The following FAM168A variants were observed in gnomAD, a reference collection of about 807,000 sequenced individuals.
FAM168A encodes family with sequence similarity 168 member A, also known as protein FAM168A.
In FAM168A, 3 loss-of-function variants were observed where a neutral mutation model predicts 28.5. That is an observed-to-expected ratio of 0.11 (90% CI 0.05 to 0.27). The LOEUF is 0.27. Ranked by LOEUF, FAM168A falls within the 10% of genes least tolerant of loss-of-function variation. FAM168A has a pLI of 1.00. For missense variants in FAM168A, 222 were observed against 311.5 expected, an observed-to-expected ratio of 0.71 and a Z score of 2.16; for synonymous variants, 122 against 124.2, an observed-to-expected ratio of 0.98 and a Z score of 0.12.
At chr11:73,427,117 G>A (rs1590765379) in intron 3 of FAM168A, among the ~76,000 whole-genome samples, 1 of 151,838 alleles carries the variant, frequency 6.6e-6, no homozygotes, top group South Asian at 2.1e-4. Context: ...TCAGCCTCCC[G>A]AGTAGCTGGG....
At chr11:73,555,156 GTT>G (rs1410932521) in intron 1 of FAM168A, among the ~76,000 whole-genome samples, 2 of 152,194 alleles carry the variant, frequency 1.3e-5, no homozygotes, top group Non-Finnish European at 2.9e-5. Flanking sequence ...GTATTTCAGT[GTT>G]GCTAGAGTCC....
At chr11:73,583,486 A>G (rs1944273672) in intron 1 of FAM168A, among the ~76,000 whole-genome samples, 2 of 152,226 alleles carry the variant, frequency 1.3e-5, no homozygotes. Flanking sequence ...ATGATCAGAT[A>G]CAACTCCTGT....
intron 1 of FAM168A, among the ~76,000 whole-genome samples, chr11:73,537,965 TA>T (rs1943603064): frequency 6.6e-6 from 1 of 152,200 alleles, no homozygotes; most frequent in Non-Finnish European, 1.5e-5. Flanking sequence ...AGGGAATAAT[TA>T]ATGAGCACCA....
At chr11:73,491,690 T>C (rs1868130287) in intron 1 of FAM168A, among the ~76,000 whole-genome samples, 1 of 152,208 alleles carries the variant, frequency 6.6e-6, no homozygotes, top group Admixed American at 6.5e-5. Flanking sequence ...GACTCTCATC[T>C]CATACGTGGG....
At chr11:73,543,262 CTT>C (rs58715872) in intron 1 of FAM168A, among the ~76,000 whole-genome samples, 13 of 111,842 alleles carry the variant, frequency 1.2e-4, no homozygotes, top group Admixed American at 9.8e-5. Flanking sequence ...ATTAATTGTT[CTT>C]TTTTTTTTTT....
intron 1 of FAM168A, among the ~76,000 whole-genome samples, chr11:73,591,111 T>C (rs916323083): frequency 6.6e-6 from 1 of 151,686 alleles, no homozygotes; most frequent in African/African-American, 2.4e-5. Context: ...GCCACTGTAC[T>C]CCAGGCCGGG....
intron 1 of FAM168A, among the ~76,000 whole-genome samples, chr11:73,514,422 T>C (rs1429613540): frequency 6.6e-6 from 1 of 152,204 alleles, no homozygotes; most frequent in Non-Finnish European, 1.5e-5. Context: ...AGGACATACA[T>C]AGTGTTTGAG....
At chr11:73,548,717 T>C (rs994109856) in intron 1 of FAM168A, among the ~76,000 whole-genome samples, 1 of 152,152 alleles carries the variant, frequency 6.6e-6, no homozygotes, top group Non-Finnish European at 1.5e-5. Context: ...CATGGCCCAC[T>C]GCAGCCTTGA....
Position 73,407,597 on chromosome 11 carries a change from A to C in FAM168A, c.642T>G (p.Pro214=). ...GGGCCCTATATGTTGGCATGGAGACAGGGTGTGCCCCAATCGCCGTGTGCT... is the reference window on the plus strand; with the variant it reads ...GGGCCCTATATGTTGGCATGGAGACCGGGTGTGCCCCAATCGCCGTGTGCT... ...TPQHTAIGAH[P]VSMPTYRAQG... Residue 214 remains proline (P), a synonymous_variant, in exon 7 of 8, where the codon CCT becomes CCG. Coordinates refer to ENST00000356467, the MANE Select transcript of FAM168A (RefSeq NM_015159.3). 6.2e-7 allele frequency: 1 copy of C among 1,610,336 alleles called. No individual in the cohort carries two copies. The highest frequency in any genetic ancestry group is 8.5e-7 in the Non-Finnish European group (1 of 1,178,700).
At chr11:73,579,595 G>C (rs931408167) in intron 1 of FAM168A, among the ~76,000 whole-genome samples, 2 of 152,138 alleles carry the variant, frequency 1.3e-5, no homozygotes, top group Admixed American at 6.5e-5. Context: ...CCACCATTTA[G>C]AGCAAGTTTC....
intron 1 of FAM168A, among the ~76,000 whole-genome samples, chr11:73,544,988 T>TA (rs1943720665): frequency 2.5e-5 from 2 of 78,598 alleles, no homozygotes; most frequent in African/African-American, 1.5e-4. Flanking sequence ...ATATATTTTA[T>TA]ATATAGTATA....
rs1555027763 is a variant in FAM168A at position 73,496,903 on chromosome 11, A to ACACACG, written c.-18-28412_-18-28411insCGTGTG. On this transcript the variant is annotated intron_variant, in intron 1 of 7. Coordinates refer to ENST00000356467, the MANE Select transcript of FAM168A (RefSeq NM_015159.3). ...CACACACACACACACACACACACAC[A>ACACACG]CACGCACACACACGCACACACACAC... 4.0e-3 allele frequency among the ~76,000 whole-genome samples: 597 copies of ACACACG among 148,578 alleles called. 2 individuals carry two copies. Among genetic ancestry groups the ACACACG allele is most frequent in the Middle Eastern group, 6.9e-3 (2 of 288 alleles).
At chr11:73,462,299 C>G (rs1003859489) in intron 2 of FAM168A, among the ~76,000 whole-genome samples, 1 of 152,126 alleles carries the variant, frequency 6.6e-6, no homozygotes, top group African/African-American at 2.4e-5. Context: ...TCCTGACACA[C>G]GGATGAAACC....
At chr11:73,470,728 C>A (rs958607676) in intron 1 of FAM168A, among the ~76,000 whole-genome samples, 19 of 152,174 alleles carry the variant, frequency 1.2e-4, no homozygotes, top group African/African-American at 4.6e-4. Flanking sequence ...TAAGCCAATA[C>A]ATTTCCATTC....
At chr11:73,407,081 T>G (rs1354300337) in intron 7 of FAM168A, among the ~76,000 whole-genome samples, 4 of 152,204 alleles carry the variant, frequency 2.6e-5, no homozygotes, top group Non-Finnish European at 5.9e-5. Context: ...AGAGTTCATT[T>G]GAAGAATGGG....
chr11:73,497,591 C>G (rs114836323), intron 1 of FAM168A, among the ~76,000 whole-genome samples: 2,767 of 152,218 alleles, frequency 0.018, 66 homozygotes, highest in African/African-American at 0.056. Context: ...TTGAACAGCA[C>G]AGGACTAGAG....
chr11:73,423,277 C>T (rs1178114457), intron 3 of FAM168A, among the ~76,000 whole-genome samples: 7 of 152,184 alleles, frequency 4.6e-5, no homozygotes, highest in Admixed American at 4.6e-4. Context: ...ACTGCTTCCT[C>T]ATGTTAAATC....
intron 3 of FAM168A, among the ~76,000 whole-genome samples, chr11:73,427,662 C>T (rs533609954): frequency 6.6e-6 from 1 of 152,272 alleles, no homozygotes; most frequent in South Asian, 2.1e-4. Context: ...TTGCAATATG[C>T]AACAAGCTAA....
chr11:73,592,381 T>A (rs911788756), intron 1 of FAM168A, among the ~76,000 whole-genome samples: 1 of 152,230 alleles, frequency 6.6e-6, no homozygotes, highest in African/African-American at 2.4e-5. Context: ...TATACCATTG[T>A]TTTCAATACT....
Sources: gnomAD v4.1 joint callset for allele counts (sites outside exome capture counted in the v4.1 genomes callset) on GRCh38, gnomAD v4.1.1 for gene constraint, MANE v1.5 for transcripts, NCBI Gene and HGNC (gene_info 2026-07-23, HGNC 2026-07-21) for gene names.